PAQR8: variants seen among roughly 807,000 people sequenced by gnomAD.
PAQR8 encodes the protein membrane progestin receptor beta.
PAQR8 carries 17 observed loss-of-function variants against 25.2 expected under a neutral mutation model. The observed-to-expected ratio is 0.67, with a 90% CI of 0.46 to 1.01. The LOEUF (loss-of-function observed/expected upper bound fraction) is 1.01. Ranked by LOEUF, PAQR8 falls within the 50% of genes least tolerant of loss-of-function variation. The pLI, the probability that PAQR8 is intolerant of heterozygous loss-of-function variation, is 0.00. For synonymous variants in PAQR8, 204 were observed against 190.6 expected, an observed-to-expected ratio of 1.07 and a Z score of -0.58; for missense variants, 392 against 448.4, an observed-to-expected ratio of 0.87 and a Z score of 1.14.
At chr6:52,391,221 T>G (rs951239843) in intron 1 of PAQR8, among the ~76,000 whole-genome samples, 10 of 152,268 alleles carry the variant, frequency 6.6e-5, no homozygotes, top group Non-Finnish European at 1.5e-4. Context: ...GAATGTACAA[T>G]GTGCTAGTCC....
chr6:52,363,162 T>C (rs1763310792), intron 1 of PAQR8, among the ~76,000 whole-genome samples: 1 of 151,982 alleles, frequency 6.6e-6, no homozygotes, highest in Admixed American at 6.6e-5. Context: ...TTGGGGAATA[T>C]TCGGAGCCTG....
chr6:52,379,163 T>G (rs1157797941), intron 1 of PAQR8, among the ~76,000 whole-genome samples: 2 of 150,184 alleles, frequency 1.3e-5, no homozygotes, highest in Non-Finnish European at 3.0e-5. Flanking sequence ...CTTGGGGATA[T>G]TATGCTAAGC....
chr6:52,382,785 T>C (rs894695644), intron 1 of PAQR8, among the ~76,000 whole-genome samples: 1 of 152,088 alleles, frequency 6.6e-6, no homozygotes, highest in Non-Finnish European at 1.5e-5. Context: ...CATAGGAAGC[T>C]ACGTTTCAGT....
At chr6:52,386,844 G>A (rs1052777277) in intron 1 of PAQR8, among the ~76,000 whole-genome samples, 27 of 152,316 alleles carry the variant, frequency 1.8e-4, no homozygotes, top group African/African-American at 5.5e-4. Flanking sequence ...TTTTTAAAAT[G>A]AAGTAATTCT....
At chr6:52,387,204 G>A (rs1454986363) in intron 1 of PAQR8, among the ~76,000 whole-genome samples, 2 of 152,202 alleles carry the variant, frequency 1.3e-5, no homozygotes, top group African/African-American at 4.8e-5. Flanking sequence ...TGTCTTGGGA[G>A]AGAAGGCTCT....
At chr6:52,369,198 A>G (rs1260534982) in intron 1 of PAQR8, among the ~76,000 whole-genome samples, 1 of 152,214 alleles carries the variant, frequency 6.6e-6, no homozygotes, top group East Asian at 1.9e-4. Context: ...CAAGACAAGT[A>G]CACCTAGGGA....
intron 1 of PAQR8, among the ~76,000 whole-genome samples, chr6:52,376,689 C>T (rs149769370): frequency 3.9e-5 from 6 of 152,254 alleles, no homozygotes; most frequent in Admixed American, 3.3e-4. Flanking sequence ...TCTAGTGATG[C>T]GTATGTAAAA....
At chr6:52,395,237 C>T (rs1763753549) in intron 1 of PAQR8, among the ~76,000 whole-genome samples, 1 of 143,290 alleles carries the variant, frequency 7.0e-6, no homozygotes, top group Admixed American at 7.3e-5. Flanking sequence ...TGCGCCATTG[C>T]ACTCCAGCCT....
intron 1 of PAQR8, among the ~76,000 whole-genome samples, chr6:52,380,310 A>G (rs1042663115): frequency 4.6e-5 from 7 of 152,142 alleles, no homozygotes; most frequent in African/African-American, 1.7e-4. Context: ...GCCAGGGTCC[A>G]CCCGTGGTAT....
At chr6:52,380,536 A>G (rs142498664) in intron 1 of PAQR8, among the ~76,000 whole-genome samples, 1 of 152,276 alleles carries the variant, frequency 6.6e-6, no homozygotes, top group Non-Finnish European at 1.5e-5. Context: ...AAATCAACCT[A>G]TAACCTAGAA....
chr6:52,401,917 C>T (rs1299801678), intron 1 of PAQR8, among the ~76,000 whole-genome samples: 2 of 152,104 alleles, frequency 1.3e-5, no homozygotes, highest in Admixed American at 6.5e-5. Context: ...ATTTTAATAT[C>T]GAGAAAAGCC....
chr6:52,398,004 C>T (rs568445752), intron 1 of PAQR8, among the ~76,000 whole-genome samples: 21 of 152,142 alleles, frequency 1.4e-4, no homozygotes, highest in Non-Finnish European at 2.9e-5. Context: ...GGGGCAGACC[C>T]CACTTGACAG....
chr6:52,392,205 G>T (rs115815400), intron 1 of PAQR8, among the ~76,000 whole-genome samples: 1,592 of 152,242 alleles, frequency 0.01, 31 homozygotes, highest in African/African-American at 0.036. Flanking sequence ...CTAGCTGGGT[G>T]TGGCAGTGTG....
At chr6:52,376,613 A>T (rs1763487781) in intron 1 of PAQR8, among the ~76,000 whole-genome samples, 1 of 152,208 alleles carries the variant, frequency 6.6e-6, no homozygotes, top group Non-Finnish European at 1.5e-5. Flanking sequence ...AAGTATTTTT[A>T]AAGTATTTTC....
chr6:52,378,604 A>G (rs1763513493), intron 1 of PAQR8, among the ~76,000 whole-genome samples: 1 of 151,460 alleles, frequency 6.6e-6, no homozygotes, highest in African/African-American at 2.4e-5. Context: ...CAGCCTGACC[A>G]ACATGATGAA....
At chr6:52,379,096 CAAAAAAAA>C (rs70977347) in intron 1 of PAQR8, among the ~76,000 whole-genome samples, 1,371 of 93,032 alleles carry the variant, frequency 0.015, 13 homozygotes, top group Non-Finnish European at 0.022. Context: ...TACTCTTTAT[CAAAAAAAA>C]AAAAAAAAAA....
intron 1 of PAQR8, among the ~76,000 whole-genome samples, chr6:52,382,229 A>G (rs144743561): frequency 6.6e-6 from 1 of 152,356 alleles, no homozygotes; most frequent in Non-Finnish European, 1.5e-5. Flanking sequence ...TGCTTTGACC[A>G]GGTGAGTTGG....
chr6:52,403,538 T>G lies in PAQR8; in HGVS notation c.325T>G (p.Ser109Ala). ...AEALPWASTH[S>A]LPLLLFILSS... ...GGCCTTGCCATGGGCGTCTACCCACTCCCTGCCTCTGCTCCTCTTCATCCT... is the reference window on the plus strand; with the variant it reads ...GGCCTTGCCATGGGCGTCTACCCACGCCCTGCCTCTGCTCCTCTTCATCCT... Residue 109 changes from serine (S) to alanine (A), a missense_variant, in exon 2 of 2, where the codon TCC becomes GCC. Coordinates refer to ENST00000442253, the MANE Select transcript of PAQR8 (RefSeq NM_133367.5). 1.2e-6 allele frequency: 2 copies of G among 1,614,054 alleles called. No homozygotes were observed. Among genetic ancestry groups the G allele is most frequent in the Non-Finnish European group, 1.7e-6 (2 of 1,180,028 alleles).
Position 52,396,936 on chromosome 6 carries a change from G to A in PAQR8, c.-52-6226G>A, listed in dbSNP as rs573909782. ...GTTGGAGGCAAATTTGGAAATCAGC[G>A]GATACAGGTGTAGCTGAAGCTAAGG... On this transcript the variant is annotated intron_variant, in intron 1 of 1. Coordinates refer to ENST00000442253, the MANE Select transcript of PAQR8 (RefSeq NM_133367.5). Among the ~76,000 whole-genome samples, 8 of 152,256 alleles carry A rather than the reference G, an allele frequency of 5.3e-5. No homozygotes were observed. The South Asian group carries it at 8.3e-4, about 16-fold the overall frequency.
Sources: gnomAD v4.1 joint callset for allele counts (sites outside exome capture counted in the v4.1 genomes callset) on GRCh38, gnomAD v4.1.1 for gene constraint, MANE v1.5 for transcripts, NCBI Gene and HGNC (gene_info 2026-07-23, HGNC 2026-07-21) for gene names.